The following ATRNL1 variants were observed in gnomAD, a reference collection of about 807,000 sequenced individuals.
ATRNL1 encodes the protein attractin-like protein 1.
In ATRNL1, 95 loss-of-function variants were observed where a neutral mutation model predicts 182.7. That is an observed-to-expected ratio of 0.52 (90% confidence interval 0.44 to 0.62). The LOEUF (loss-of-function observed/expected upper bound fraction) is 0.62, where lower values mean the gene tolerates loss of function less well. Among genes scored for constraint, ATRNL1 ranks in the 20% least tolerant of loss-of-function variants. The probability of loss-of-function intolerance (pLI) is 0.00; values close to 1 mark genes in which losing one functional copy is unlikely to be tolerated. For missense variants in ATRNL1, 1,471 were observed against 1,679.5 expected (o/e 0.88, Z 2.17); for synonymous variants, 576 against 568.3 (o/e 1.01, Z -0.19).
chr10:115,824,488 G>A (rs2134292068), intron 27 of ATRNL1, among the ~76,000 whole-genome samples: 1 of 152,082 alleles, frequency 6.6e-6, no homozygotes, highest in Non-Finnish European at 1.5e-5. Context: ...AGAGTGAACA[G>A]GCAACCTACA....
At position 115,621,481 on chromosome 10, in the gene ATRNL1, T is replaced by C. The variant is rs147111414; in HGVS notation, c.3795+71945T>C. On this transcript the variant is annotated intron_variant, in intron 26 of 28. Coordinates refer to ENST00000355044, the MANE Select transcript of ATRNL1 (RefSeq NM_207303.4). ...CATGCCTGGCTAATTTTTGAATTTT[T>C]TGTAGAGACGGGGTTTTGTCATATT... Among the ~76,000 whole-genome samples, 59 of 152,124 alleles carry C rather than the reference T, an allele frequency of 3.9e-4. 1 individual carries two copies. In the East Asian group the frequency reaches 0.011, roughly 30 times the overall value.
At chr10:115,282,241 TTC>T (rs1369343804) in intron 14 of ATRNL1, among the ~76,000 whole-genome samples, 1 of 147,844 alleles carries the variant, frequency 6.8e-6, no homozygotes, top group African/African-American at 2.5e-5. Context: ...ATAAATACAT[TTC>T]TTTTTTTATT....
intron 2 of ATRNL1, among the ~76,000 whole-genome samples, chr10:115,120,601 A>G (rs1554871298): frequency 1.3e-5 from 2 of 152,100 alleles, no homozygotes; most frequent in African/African-American, 2.4e-5. Flanking sequence ...TATGCTATTC[A>G]TATAATTTAG....
At chr10:115,897,027 C>A (rs782803274) in intron 28 of ATRNL1, among the ~76,000 whole-genome samples, 12 of 152,120 alleles carry the variant, frequency 7.9e-5, no homozygotes, top group Non-Finnish European at 1.2e-4. Flanking sequence ...ATTTATATCA[C>A]TTAGAATAAG....
In ATRNL1 at chr10:115,101,136, T is replaced by A. The variant is rs532336467; in HGVS notation, c.293+7093T>A. ...TTTTTGCAGATTCCTTATGGCTTTCTACTTAGATGATTATATTGTTTACAG... is the reference window on the plus strand; with the variant it reads ...TTTTTGCAGATTCCTTATGGCTTTCAACTTAGATGATTATATTGTTTACAG... On this transcript the variant is annotated intron_variant, in intron 1 of 28. Transcript: ENST00000355044. 3.9e-5 allele frequency among the ~76,000 whole-genome samples: 6 copies of A among 152,324 alleles called. 1 individual carries two copies. The highest frequency in any genetic ancestry group is 3.4e-3 in the Middle Eastern group (1 of 294).
At chr10:115,307,701 A>C (rs1853803981) in intron 17 of ATRNL1, among the ~76,000 whole-genome samples, 1 of 152,166 alleles carries the variant, frequency 6.6e-6, no homozygotes, top group Non-Finnish European at 1.5e-5. Flanking sequence ...GAACTCCTTC[A>C]TTATGTTTAA....
intron 26 of ATRNL1, among the ~76,000 whole-genome samples, chr10:115,694,172 GCACA>G (rs71010040): frequency 0.012 from 1,830 of 146,764 alleles, 27 homozygotes; most frequent in African/African-American, 0.039. Flanking sequence ...CTACACAGAC[GCACA>G]CACACACACA....
chr10:115,822,521 G>C (rs557468778), intron 27 of ATRNL1, among the ~76,000 whole-genome samples: 18 of 152,184 alleles, frequency 1.2e-4, no homozygotes, highest in African/African-American at 4.1e-4. Context: ...TAACAAAATA[G>C]ATAGGCCACT....
intron 27 of ATRNL1, among the ~76,000 whole-genome samples, chr10:115,732,832 A>AAAGTAGT (rs1458849699): frequency 1.3e-5 from 2 of 152,304 alleles, no homozygotes; most frequent in East Asian, 3.9e-4. Context: ...AGAGTTACTT[A>AAAGTAGT]AAGTTCATGT....
chr10:115,205,285 G>GT (rs1192181806), intron 8 of ATRNL1, among the ~76,000 whole-genome samples: 13 of 151,072 alleles, frequency 8.6e-5, no homozygotes, highest in East Asian at 2.0e-4. Context: ...GACTTTGCCT[G>GT]TTTTTTTTCA....
At chr10:115,110,651 T>C (rs1844217206) in intron 1 of ATRNL1, among the ~76,000 whole-genome samples, 2 of 152,206 alleles carry the variant, frequency 1.3e-5, no homozygotes, top group Non-Finnish European at 2.9e-5. Context: ...ATGTTTATGG[T>C]AATTTGTTAC....
chr10:115,570,325 C>T (rs1377095670), intron 26 of ATRNL1, among the ~76,000 whole-genome samples: 2 of 152,160 alleles, frequency 1.3e-5, no homozygotes, highest in East Asian at 3.9e-4. Context: ...ATAATCTAAA[C>T]ACCTCCCCAA....
intron 27 of ATRNL1, among the ~76,000 whole-genome samples, chr10:115,756,944 G>A (rs1232219385): frequency 6.6e-6 from 1 of 151,864 alleles, no homozygotes; most frequent in Admixed American, 6.6e-5. Context: ...ATCTTTGTTG[G>A]TTTAACATCT....
At chr10:115,541,576 G>A (rs1301010345) in intron 25 of ATRNL1, among the ~76,000 whole-genome samples, 2 of 152,222 alleles carry the variant, frequency 1.3e-5, no homozygotes, top group East Asian at 1.9e-4. Context: ...ATAGAAGCAT[G>A]TTTTACATGC....
At chr10:115,554,982 A>T (rs1853227445) in intron 26 of ATRNL1, among the ~76,000 whole-genome samples, 1 of 151,836 alleles carries the variant, frequency 6.6e-6, no homozygotes, top group Non-Finnish European at 1.5e-5. Context: ...TGTATTATAT[A>T]TTCAAACGAA....
intron 10 of ATRNL1, among the ~76,000 whole-genome samples, chr10:115,258,432 G>C (rs542643357): frequency 2.6e-5 from 4 of 152,106 alleles, no homozygotes; most frequent in Admixed American, 2.6e-4. Flanking sequence ...CATGCGTCAT[G>C]AAGTTCTCCT....
At chr10:115,256,834 G>T (rs1169863056) in intron 10 of ATRNL1, among the ~76,000 whole-genome samples, 1 of 152,130 alleles carries the variant, frequency 6.6e-6, no homozygotes, top group Non-Finnish European at 1.5e-5. Flanking sequence ...CTGGTATATT[G>T]TGTCTTTGTT....
chr10:115,283,869 G>A (rs1041573649), intron 14 of ATRNL1, among the ~76,000 whole-genome samples: 4 of 152,066 alleles, frequency 2.6e-5, no homozygotes, highest in African/African-American at 9.7e-5. Flanking sequence ...TTGTTATAAA[G>A]GCTCCACTTG....
chr10:115,906,591 T>C (rs1429339640), intron 28 of ATRNL1, among the ~76,000 whole-genome samples: 1 of 152,208 alleles, frequency 6.6e-6, no homozygotes, highest in Middle Eastern at 3.2e-3. Flanking sequence ...CATTTTTCAA[T>C]ATTTGAAGAT....
Sources: gnomAD v4.1 joint callset for allele counts (sites outside exome capture counted in the v4.1 genomes callset) on GRCh38, gnomAD v4.1.1 for gene constraint, MANE v1.5 for transcripts, NCBI Gene and HGNC (gene_info 2026-07-23, HGNC 2026-07-21) for gene names.